OCA2: variants seen among roughly 807,000 people sequenced by gnomAD.
The protein encoded by OCA2 is P protein.
A neutral mutation model predicts 100.2 loss-of-function variants in OCA2; 77 were observed. The observed-to-expected ratio is 0.77, with a 90% CI of 0.64 to 0.93. The LOEUF is 0.93. OCA2 is among the 40% of genes least tolerant of loss of function. The probability of loss-of-function intolerance (pLI) is 0.00; values close to 1 mark genes in which losing one functional copy is unlikely to be tolerated. For missense variants in OCA2, 1,062 were observed against 1,089.1 expected, an observed-to-expected ratio of 0.98 and a Z score of 0.35; for synonymous variants, 432 against 439.2, an observed-to-expected ratio of 0.98 and a Z score of 0.21.
intron 7 of OCA2, among the ~76,000 whole-genome samples, chr15:28,017,402 G>C (rs930876082): frequency 2.6e-5 from 4 of 152,176 alleles, no homozygotes; most frequent in Admixed American, 2.6e-4. Flanking sequence ...GGGAGGCAGC[G>C]GGACCGCAGG....
At chr15:28,096,014 C>T (rs1198321830) in intron 1 of OCA2, among the ~76,000 whole-genome samples, 1 of 152,236 alleles carries the variant, frequency 6.6e-6, no homozygotes, top group Non-Finnish European at 1.5e-5. Context: ...TTGCAGGGGC[C>T]TGGCTGGGTC....
chr15:27,913,843 G>GAAAGA (rs2038507654), intron 19 of OCA2, among the ~76,000 whole-genome samples: 3 of 25,156 alleles, frequency 1.2e-4, no homozygotes, highest in South Asian at 5.2e-3. Flanking sequence ...AGAAAGGAAA[G>GAAAGA]AAAGAAAGAA....
At chr15:28,074,444 G>T (rs187874437) in intron 2 of OCA2, among the ~76,000 whole-genome samples, 7 of 152,098 alleles carry the variant, frequency 4.6e-5, no homozygotes, top group African/African-American at 1.7e-4. Context: ...GGAGGCCGAG[G>T]CGGGCGGATC....
At chr15:27,837,418 G>A (rs578048536) in intron 23 of OCA2, among the ~76,000 whole-genome samples, 141 of 152,174 alleles carry the variant, frequency 9.3e-4, no homozygotes, top group African/African-American at 3.3e-3. Flanking sequence ...CCTGCCTTTC[G>A]ACATAACTAG....
chr15:27,987,970 G>A (rs756394931), intron 11 of OCA2, among the ~76,000 whole-genome samples: 7 of 152,174 alleles, frequency 4.6e-5, no homozygotes, highest in African/African-American at 1.2e-4. Flanking sequence ...TGTCCAGAGT[G>A]ACCATCAATG....
chr15:27,727,907 G>C, the OCA2 span, among the ~76,000 whole-genome samples: 1 of 152,174 alleles, frequency 6.6e-6, no homozygotes, highest in Admixed American at 6.5e-5. Flanking sequence ...AGTCTCCTTT[G>C]CTGTTTAAGA....
intron 21 of OCA2, among the ~76,000 whole-genome samples, chr15:27,856,051 T>C (rs1190904184): frequency 6.6e-6 from 1 of 152,170 alleles, no homozygotes; most frequent in Non-Finnish European, 1.5e-5. Flanking sequence ...GGGAGGGTCC[T>C]TCCTTGCCCC....
chr15:28,076,210 T>C (rs2141844161), intron 2 of OCA2, among the ~76,000 whole-genome samples: 1 of 152,342 alleles, frequency 6.6e-6, no homozygotes, highest in South Asian at 2.1e-4. Flanking sequence ...ATGATTGTGT[T>C]AGAGGCACGA....
intron 2 of OCA2, among the ~76,000 whole-genome samples, chr15:28,056,168 G>A (rs1338587025): frequency 6.6e-6 from 1 of 152,176 alleles, no homozygotes; most frequent in Non-Finnish European, 1.5e-5. Context: ...ACCAGAGGGA[G>A]AGCCTCGCTC....
intron 19 of OCA2, among the ~76,000 whole-genome samples, chr15:27,904,163 G>C (rs1247687307): frequency 6.6e-6 from 1 of 152,120 alleles, no homozygotes; most frequent in Non-Finnish European, 1.5e-5. Context: ...TCCTGCCGGA[G>C]CAGCAACAAG....
intron 23 of OCA2, 71 bp downstream of exon 23, chr15:27,844,888 T>C (rs2035473878): frequency 9.1e-7 from 1 of 1,104,222 alleles, no homozygotes; most frequent in Non-Finnish European, 1.4e-6. Flanking sequence ...ATTTAATGTG[T>C]TATTTTTTTA....
At chr15:27,786,492 T>C (rs2032822696) in intron 23 of OCA2, among the ~76,000 whole-genome samples, 1 of 152,222 alleles carries the variant, frequency 6.6e-6, no homozygotes, top group Admixed American at 6.5e-5. Context: ...GCAGTGTACA[T>C]GTCTTGCACT....
rs1222095345 is a variant in OCA2, at chr15:27,957,894, T to C, written c.1637-159A>G. Among the ~76,000 whole-genome samples, 1 of 152,134 alleles carries C rather than the reference T, an allele frequency of 6.6e-6. No individual in the cohort carries two copies. The highest frequency in any genetic ancestry group is 1.9e-4 in the East Asian group (1 of 5,182). The stretch of plus-strand genomic sequence containing the variant: ...CCAGAGCTTCTCAGCACCTGAGCTA[T>C]TGCAATGGAGCCCAGACGACAAAGC... On this transcript the variant is annotated intron_variant, in intron 15 of 23. Coordinates refer to ENST00000354638, the MANE Select transcript of OCA2 (RefSeq NM_000275.3). The surrounding 1 kb of genome is among the most constrained non-coding windows in gnomAD (Gnocchi z 4.3).
chr15:27,811,526 T>C (rs991953863), intron 23 of OCA2, among the ~76,000 whole-genome samples: 1 of 152,092 alleles, frequency 6.6e-6, no homozygotes, highest in African/African-American at 2.4e-5. Context: ...AAAAAAAAAT[T>C]AAACGAAAAA....
At chr15:27,929,649 A>C (rs1312668852) in intron 18 of OCA2, among the ~76,000 whole-genome samples, 1 of 152,016 alleles carries the variant, frequency 6.6e-6, no homozygotes, top group Non-Finnish European at 1.5e-5. Flanking sequence ...GACTTTATCA[A>C]AATTATGAAT....
chr15:28,016,460 A>T (rs1332126698), intron 7 of OCA2, among the ~76,000 whole-genome samples: 3 of 152,244 alleles, frequency 2.0e-5, no homozygotes, highest in Admixed American at 2.0e-4. Flanking sequence ...AAAGGCATAG[A>T]AGTAAATAGT....
At chr15:27,894,110 T>C (rs2037584934) in intron 19 of OCA2, among the ~76,000 whole-genome samples, 1 of 152,254 alleles carries the variant, frequency 6.6e-6, no homozygotes, top group African/African-American at 2.4e-5. Flanking sequence ...CCTCTCTTTG[T>C]ACTGTCTCTA....
chr15:28,009,724 A>C (rs2042188801), intron 9 of OCA2, among the ~76,000 whole-genome samples: 1 of 149,878 alleles, frequency 6.7e-6, no homozygotes, highest in Non-Finnish European at 1.5e-5. Context: ...ACACACACAC[A>C]CACAAAGTCA....
intron 23 of OCA2, among the ~76,000 whole-genome samples, chr15:27,808,800 A>G (rs2033960312): frequency 6.6e-6 from 1 of 152,176 alleles, no homozygotes; most frequent in Non-Finnish European, 1.5e-5. Flanking sequence ...GGAGCTTCTC[A>G]TGGGGATCCC....
Sources: gnomAD v4.1 joint callset for allele counts (sites outside exome capture counted in the v4.1 genomes callset) on GRCh38, gnomAD v4.1.1 for gene constraint, Gnocchi (gnomAD v3.1) non-coding constraint, MANE v1.5 for transcripts, NCBI Gene and HGNC (gene_info 2026-07-23, HGNC 2026-07-21) for gene names.